GRIN2B: variants seen among roughly 807,000 people sequenced by gnomAD.
GRIN2B encodes the protein glutamate ionotropic receptor NMDA type subunit 2B.
A neutral mutation model predicts 114.5 loss-of-function variants in GRIN2B; 5 were observed. The observed-to-expected ratio is 0.04, with a 90% CI of 0.02 to 0.09. GRIN2B has a LOEUF of 0.09. Among genes scored for constraint, GRIN2B ranks in the 10% least tolerant of loss-of-function variants. GRIN2B has a pLI of 1.00. For synonymous variants in GRIN2B, 787 were observed against 745.1 expected, an observed-to-expected ratio of 1.06 and a Z score of -0.92; for missense variants, 1,108 against 1,943.5, an observed-to-expected ratio of 0.57 and a Z score of 8.08.
chr12:13,819,360 T>A (rs939537633), intron 3 of GRIN2B, among the ~76,000 whole-genome samples: 1 of 152,116 alleles, frequency 6.6e-6, no homozygotes, highest in Non-Finnish European at 1.5e-5. Flanking sequence ...CCTAGAAAAC[T>A]AAAACAGGGA....
intron 3 of GRIN2B, among the ~76,000 whole-genome samples, chr12:13,788,989 T>C (rs1230634186): frequency 1.3e-5 from 2 of 152,204 alleles, no homozygotes; most frequent in African/African-American, 2.4e-5. Flanking sequence ...ACCATCCGAT[T>C]AATGGCTGGT....
intron 5 of GRIN2B, among the ~76,000 whole-genome samples, chr12:13,646,101 A>C (rs1055948318): frequency 2.6e-5 from 4 of 152,166 alleles, no homozygotes; most frequent in African/African-American, 9.6e-5. Flanking sequence ...TACCTGGAAC[A>C]AAAACGAAGA....
At chr12:13,729,926 T>C (rs1485895254) in intron 4 of GRIN2B, among the ~76,000 whole-genome samples, 4 of 150,884 alleles carry the variant, frequency 2.7e-5, no homozygotes, top group African/African-American at 9.7e-5. Context: ...CCAGCATCTC[T>C]GGGCAAAAAA....
In GRIN2B at chr12:13,616,445, G is replaced by A. The variant is rs765922947; in HGVS notation, c.1328+10C>T. The A allele has an allele frequency of 6.2e-7, 1 of 1,601,476 alleles. No individual in the cohort carries two copies. The highest frequency in any genetic ancestry group is 8.6e-7 in the Non-Finnish European group (1 of 1,169,390). On this transcript the variant is annotated intron_variant, in intron 6 of 13. Coordinates refer to ENST00000609686, the MANE Select transcript of GRIN2B (RefSeq NM_000834.5). ...CCATGCCACCCAAAGTCATTGAGAG[G>A]ATGCCATACTCAGTGACTATGCGTT...
At chr12:13,863,494 A>G (rs1281876401) in intron 3 of GRIN2B, among the ~76,000 whole-genome samples, 1 of 152,228 alleles carries the variant, frequency 6.6e-6, no homozygotes, top group Non-Finnish European at 1.5e-5. Context: ...TAAGAGCTGT[A>G]GCATTTTGGA....
At chr12:13,791,459 AAAAT>A (rs1864319701) in intron 3 of GRIN2B, among the ~76,000 whole-genome samples, 2 of 131,918 alleles carry the variant, frequency 1.5e-5, no homozygotes, top group Non-Finnish European at 3.4e-5. Context: ...CTCAAAAAAA[AAAAT>A]AAAAAAAAAA....
intron 2 of GRIN2B, among the ~76,000 whole-genome samples, chr12:13,930,179 G>T (rs1867000732): frequency 6.6e-6 from 1 of 152,086 alleles, no homozygotes; most frequent in Non-Finnish European, 1.5e-5. Context: ...GCCAGACTCT[G>T]TCTCACAATA....
intron 2 of GRIN2B, among the ~76,000 whole-genome samples, chr12:13,973,064 T>C (rs1038591146): frequency 1.1e-4 from 17 of 152,170 alleles, no homozygotes; most frequent in African/African-American, 4.1e-4. Flanking sequence ...TGTCGGCCAT[T>C]TTCACAGAGA....
In GRIN2B at chr12:13,615,415, G is replaced by A. The variant is rs1949424181; in HGVS notation, c.1500+78C>T. ...TTATATTTTCTGAAATGCATAAAGT[G>A]AGCACGTTTTAAACTTATATTTAGA... On this transcript the variant is annotated intron_variant, in intron 7 of 13. Transcript: ENST00000609686. This position sits in a 1 kb window ranked among gnomAD's most constrained non-coding sequence, Gnocchi z 5.8. 4.8e-6 allele frequency: 7 copies of A among 1,455,884 alleles called. No homozygotes were observed. The Admixed American group carries it at 1.0e-4, about 21-fold the overall frequency. 90.2% of individuals were successfully genotyped at this position (1,455,884 alleles called of 1,614,324 possible). A position where few individuals can be genotyped will look rare whatever the true frequency, so the allele number is the denominator to read the frequency against.
intron 2 of GRIN2B, among the ~76,000 whole-genome samples, chr12:13,904,519 T>C (rs1866506930): frequency 6.6e-6 from 1 of 152,110 alleles, no homozygotes; most frequent in Non-Finnish European, 1.5e-5. Context: ...CTTTATCTTT[T>C]TGCAAATGGC....
intron 3 of GRIN2B, among the ~76,000 whole-genome samples, chr12:13,819,571 C>T (rs1864893588): frequency 6.6e-6 from 1 of 152,030 alleles, no homozygotes; most frequent in Non-Finnish European, 1.5e-5. Context: ...GTGTATTTAC[C>T]AAATACTACC....
At chr12:13,675,674 T>G in intron 5 of GRIN2B, 71 bp downstream of exon 5, 1 of 920,440 alleles carries the variant, frequency 1.1e-6, no homozygotes, top group South Asian at 1.3e-5. Context: ...AGGACTACTT[T>G]CCTTCATTGT....
intron 10 of GRIN2B, among the ~76,000 whole-genome samples, chr12:13,593,612 A>C (rs1949036591): frequency 6.6e-6 from 1 of 152,246 alleles, no homozygotes; most frequent in Non-Finnish European, 1.5e-5. Context: ...AACCTAGGCA[A>C]TACCACTCAG....
chr12:13,747,490 A>C (rs946476665), intron 4 of GRIN2B, among the ~76,000 whole-genome samples: 1 of 152,184 alleles, frequency 6.6e-6, no homozygotes, highest in Non-Finnish European at 1.5e-5. Context: ...CCCAACTTAT[A>C]TATCCTTTTA....
chr12:13,890,647 G>C (rs182652292), intron 2 of GRIN2B, among the ~76,000 whole-genome samples: 3 of 152,232 alleles, frequency 2.0e-5, no homozygotes, highest in East Asian at 1.9e-4. Context: ...CTTCACGAAG[G>C]CTTGTTGACA....
chr12:13,805,639 G>C (rs919372687), intron 3 of GRIN2B, among the ~76,000 whole-genome samples: 14 of 152,038 alleles, frequency 9.2e-5, no homozygotes, highest in Non-Finnish European at 1.8e-4. Context: ...TGTATTTATA[G>C]TGTACTACAT....
intron 2 of GRIN2B, among the ~76,000 whole-genome samples, chr12:13,866,612 C>T (rs1454681707): frequency 3.3e-5 from 5 of 152,086 alleles, no homozygotes; most frequent in Non-Finnish European, 5.9e-5. Flanking sequence ...CAAGGCCAGA[C>T]AAAGTGAGCA....
intron 2 of GRIN2B, among the ~76,000 whole-genome samples, chr12:13,935,412 G>A (rs1591630327): frequency 6.6e-6 from 1 of 152,148 alleles, no homozygotes; most frequent in South Asian, 2.1e-4. Flanking sequence ...ATCCTTAGAG[G>A]AGAAAAGCAT....
intron 10 of GRIN2B, among the ~76,000 whole-genome samples, chr12:13,592,833 G>C (rs558923314): frequency 8.0e-4 from 122 of 152,208 alleles, no homozygotes; most frequent in African/African-American, 2.8e-3. Flanking sequence ...AAGATAATTT[G>C]AAAACAATGT....
Sources: gnomAD v4.1 joint callset for allele counts (sites outside exome capture counted in the v4.1 genomes callset) on GRCh38, gnomAD v4.1.1 for gene constraint, Gnocchi (gnomAD v3.1) non-coding constraint, MANE v1.5 for transcripts, NCBI Gene and HGNC (gene_info 2026-07-23, HGNC 2026-07-21) for gene names.